Variants in EXD3 observed in about 807,000 individuals in gnomAD.
The protein encoded by EXD3 is exonuclease 3'-5' domain containing 3.
Under a neutral mutation model 98.0 loss-of-function variants are expected in EXD3, and 92 were observed. The observed-to-expected ratio is 0.94, with a 90% CI of 0.79 to 1.12. EXD3 has a LOEUF of 1.12. EXD3 is among the 50% of genes most tolerant of loss of function. The pLI is 0.00. For missense variants in EXD3, 1,222 were observed against 1,191.6 expected (o/e 1.03, Z -0.38); for synonymous variants, 569 against 526.0 (o/e 1.08, Z -1.12).
At chr9:137,383,291 G>T in intron 3 of EXD3, 22 bp downstream of exon 3, 1 of 1,545,466 alleles carries the variant, frequency 6.5e-7, no homozygotes, top group Non-Finnish European at 8.8e-7. Context: ...CTTGGCACGT[G>T]GTGGCTGCCA....
chr9:137,382,105 C>G (rs1263523428), intron 3 of EXD3, among the ~76,000 whole-genome samples: 171 of 53,936 alleles, frequency 3.2e-3, no homozygotes, highest in African/African-American at 6.7e-3. Flanking sequence ...CGGTGGAGGT[C>G]AGGGCGGCGG....
intron 1 of EXD3, among the ~76,000 whole-genome samples, chr9:137,417,146 G>A (rs964376364): frequency 3.9e-5 from 6 of 152,202 alleles, no homozygotes; most frequent in Non-Finnish European, 5.9e-5. Context: ...CCCCGAGGGA[G>A]GGGCGCCCAC....
intron 7 of EXD3, 77 bp downstream of exon 7, chr9:137,366,416 C>G (rs1835260741): frequency 6.6e-7 from 1 of 1,518,522 alleles, no homozygotes; most frequent in Admixed American, 2.0e-5. Context: ...CGCCTGCTGC[C>G]CCCCTACACT....
intron 1 of EXD3, among the ~76,000 whole-genome samples, chr9:137,396,624 A>T (rs752214905): frequency 1.3e-5 from 2 of 152,198 alleles, no homozygotes; most frequent in Non-Finnish European, 2.9e-5. Flanking sequence ...CTGTCGGCCA[A>T]CACGCACCCC....
chr9:137,314,874 C>G (rs1171037441), intron 19 of EXD3, among the ~76,000 whole-genome samples: 1 of 152,202 alleles, frequency 6.6e-6, no homozygotes, highest in Non-Finnish European at 1.5e-5. Context: ...GAGGCCGGGT[C>G]TGGGCACACG....
intron 16 of EXD3, among the ~76,000 whole-genome samples, chr9:137,348,774 G>A: frequency 8.2e-6 from 1 of 122,486 alleles, no homozygotes; most frequent in Admixed American, 7.6e-5. Flanking sequence ...AGAGGGGAGG[G>A]GGAGGGGGCT....
At chr9:137,352,271 G>A (rs77518767) in intron 11 of EXD3, 70 bp from the exon 12 acceptor site, 17,695 of 1,595,940 alleles carry the variant, frequency 0.011, 351 homozygotes, top group South Asian at 0.063. Flanking sequence ...CGGAGCAGGA[G>A]GGGAGCATTC....
chr9:137,416,197 C>A (rs1420093367), intron 1 of EXD3, among the ~76,000 whole-genome samples: 1 of 152,204 alleles, frequency 6.6e-6, no homozygotes, highest in East Asian at 1.9e-4. Flanking sequence ...TTCTGCAGTG[C>A]CTGAGGGCCA....
At chr9:137,364,668 G>A (rs754830585) in intron 7 of EXD3, among the ~76,000 whole-genome samples, 4 of 151,430 alleles carry the variant, frequency 2.6e-5, no homozygotes, top group Admixed American at 1.3e-4. Flanking sequence ...ATCTAACACT[G>A]CAGGGTCTTC....
At chr9:137,397,494 G>A (rs1837273767) in intron 1 of EXD3, among the ~76,000 whole-genome samples, 1 of 152,084 alleles carries the variant, frequency 6.6e-6, no homozygotes, top group South Asian at 2.1e-4. Flanking sequence ...ACGAAACTCA[G>A]CACGTAATAA....
At chr9:137,354,964 C>T (rs977611822) in intron 8 of EXD3, among the ~76,000 whole-genome samples, 191 bp from the exon 9 acceptor site, 10 of 152,328 alleles carry the variant, frequency 6.6e-5, no homozygotes, top group East Asian at 1.9e-4. Flanking sequence ...CTGGGGGTCC[C>T]GCCGGCCCCG....
chr9:137,323,573 C>CACCCCGGACCACGAGGGATGCTT (rs1832200354), intron 19 of EXD3, among the ~76,000 whole-genome samples, 152 bp downstream of exon 19: 3 of 85,064 alleles, frequency 3.5e-5, no homozygotes, highest in African/African-American at 5.9e-5. Context: ...GAGGGATGCT[C>CACCCCGGACCACGAGGGATGCTT]TGCCGACACC....
At chr9:137,346,965 G>A (rs547796071) in intron 17 of EXD3, among the ~76,000 whole-genome samples, 15 of 152,160 alleles carry the variant, frequency 9.9e-5, no homozygotes, top group Admixed American at 2.6e-4. Context: ...ACAGGCGCCC[G>A]CCACCACGCC....
At chr9:137,374,263 GGGTT>G (rs1335166960) in intron 3 of EXD3, among the ~76,000 whole-genome samples, 1 of 152,230 alleles carries the variant, frequency 6.6e-6, no homozygotes, top group Non-Finnish European at 1.5e-5. Context: ...AGGGGTGGAC[GGGTT>G]CACAGCTCAG....
intron 3 of EXD3, among the ~76,000 whole-genome samples, chr9:137,378,294 C>T (rs971383601): frequency 4.0e-5 from 6 of 151,330 alleles, no homozygotes; most frequent in Non-Finnish European, 7.4e-5. Flanking sequence ...CTGCAACCTC[C>T]GCCTCTGGGG....
intron 3 of EXD3, chr9:137,381,157 T>A (rs1304626203): frequency 7.1e-6 from 1 of 141,112 alleles, no homozygotes; most frequent in Non-Finnish European, 1.5e-5. Flanking sequence ...ACACCTGTAA[T>A]CCCAGCACTT....
chr9:137,366,768 C>T (rs1835282892), intron 6 of EXD3, 136 bp from the exon 7 acceptor site: 3 of 1,124,162 alleles, frequency 2.7e-6, no homozygotes, highest in Admixed American at 2.8e-5. Context: ...CAGTGCTCGC[C>T]CGGCCAGTGC....
intron 2 of EXD3, among the ~76,000 whole-genome samples, chr9:137,383,702 C>T (rs1439021994): frequency 6.6e-6 from 1 of 152,246 alleles, no homozygotes; most frequent in Non-Finnish European, 1.5e-5. Context: ...TGAGCCTCTA[C>T]CTGCTCCGCC....
intron 17 of EXD3, among the ~76,000 whole-genome samples, chr9:137,337,105 T>C (rs1833392606): frequency 6.6e-6 from 1 of 152,200 alleles, no homozygotes; most frequent in Non-Finnish European, 1.5e-5. Flanking sequence ...ATGGTATTAA[T>C]GTTAGTTAAA....
Sources: gnomAD v4.1 joint callset for allele counts (sites outside exome capture counted in the v4.1 genomes callset) on GRCh38, gnomAD v4.1.1 for gene constraint, MANE v1.5 for transcripts, NCBI Gene and HGNC (gene_info 2026-07-23, HGNC 2026-07-21) for gene names.